Variants in ULK4 observed in about 807,000 individuals in gnomAD.
ULK4 encodes inactive serine/threonine-protein kinase ULK4.
Under a neutral mutation model 160.6 loss-of-function variants are expected in ULK4, and 133 were observed. The observed-to-expected ratio is 0.83, with a 90% CI of 0.72 to 0.96. The LOEUF is 0.96. Among genes scored for constraint, ULK4 ranks in the 40% least tolerant of loss-of-function variants. ULK4 has a pLI of 0.00. For synonymous variants in ULK4, 534 were observed against 539.8 expected (o/e 0.99, Z 0.15); for missense variants, 1,580 against 1,499.5 (o/e 1.05, Z -0.89).
chr3:41,721,255 A>ATTTTTTTTTTT lies in ULK4; in HGVS notation c.2322-3405_2322-3395dup, dbSNP rs67078042. Reference sequence around the variant, plus strand: ...GCAGATGAGAAATTTTTCGCTTTGAATTTTTTTTTTTTTTTTTTTTTTTTT... The same window carrying ATTTTTTTTTTT: ...GCAGATGAGAAATTTTTCGCTTTGAATTTTTTTTTTTTTTTTTTTTTTTTTTTTTTTTTTTT... On this transcript the variant is annotated intron_variant, in intron 22 of 36. Transcript: ENST00000301831. Among the ~76,000 whole-genome samples the ATTTTTTTTTTT allele has an allele frequency of 1.3e-4, 6 of 45,044 alleles. No individual in the cohort carries two copies. In the East Asian group the frequency reaches 3.1e-3, roughly 23 times the overall value. The allele number at this position is 45,044 out of a possible 152,430, so 29.6% of individuals were successfully genotyped here. A position where few individuals can be genotyped will look rare whatever the true frequency, so the allele number is the denominator to read the frequency against.
intron 32 of ULK4, among the ~76,000 whole-genome samples, chr3:41,468,761 G>T (rs778441646): frequency 3.3e-5 from 5 of 152,186 alleles, no homozygotes; most frequent in Non-Finnish European, 5.9e-5. Flanking sequence ...TCTACAGAGG[G>T]AAGAGAACCA....
chr3:41,357,019 C>T (rs1575463515), intron 35 of ULK4, among the ~76,000 whole-genome samples: 1 of 152,224 alleles, frequency 6.6e-6, no homozygotes, highest in African/African-American at 2.4e-5. Context: ...TGTGGAATCT[C>T]GACTCTAAGC....
chr3:41,594,529 C>T (rs1035826335), intron 31 of ULK4, among the ~76,000 whole-genome samples: 5 of 151,964 alleles, frequency 3.3e-5, no homozygotes, highest in African/African-American at 1.2e-4. Context: ...CAGAATGAGA[C>T]TCTATCTCTA....
At chr3:41,530,710 A>G (rs2086277859) in intron 32 of ULK4, among the ~76,000 whole-genome samples, 1 of 152,226 alleles carries the variant, frequency 6.6e-6, no homozygotes, top group South Asian at 2.1e-4. Flanking sequence ...CCAACTTGAA[A>G]AACAACTAGA....
In ULK4 at chr3:41,757,615, G is replaced by A. The variant is rs141719121; in HGVS notation, c.2194-3127C>T. ...CCACTACACTCCAGCCTGCGCAACAGAGCGAGACTCTCTCAAAAAAAAAAA... is the reference window on the plus strand; with the variant it reads ...CCACTACACTCCAGCCTGCGCAACAAAGCGAGACTCTCTCAAAAAAAAAAA... On this transcript the variant is annotated intron_variant, in intron 21 of 36. Transcript: ENST00000301831. Among the ~76,000 whole-genome samples, 947 of 130,696 alleles carry A rather than the reference G, an allele frequency of 7.2e-3. 9 individuals are homozygous for A. Among genetic ancestry groups the A allele is most frequent in the African/African-American group, 0.028 (910 of 33,040 alleles). 85.7% of individuals were successfully genotyped at this position (130,696 alleles called of 152,430 possible).
intron 34 of ULK4, among the ~76,000 whole-genome samples, chr3:41,446,715 C>T (rs538099740): frequency 1.4e-3 from 121 of 83,448 alleles, no homozygotes; most frequent in African/African-American, 5.2e-3. Flanking sequence ...TATCACACAC[C>T]GGGGCCTGTT....
At chr3:41,858,295 G>A (rs965956720) in intron 17 of ULK4, among the ~76,000 whole-genome samples, 2 of 151,334 alleles carry the variant, frequency 1.3e-5, no homozygotes, top group Non-Finnish European at 2.9e-5. Flanking sequence ...GGAATTACAG[G>A]CGCCTGCCAC....
In ULK4 at chr3:41,249,500, G is replaced by C; in HGVS notation, c.3753C>G (p.Ala1251=). Residue 1251 remains alanine (A), a synonymous_variant, in exon 36 of 37, where the codon GCC becomes GCG. Coordinates refer to ENST00000301831, the MANE Select transcript of ULK4 (RefSeq NM_017886.4). ...TGGGTCCCACTTACCCACTCCCAGGGGCCAGCCGCTCCAGAGCCCGCAGGA... is the reference window on the plus strand; with the variant it reads ...TGGGTCCCACTTACCCACTCCCAGGCGCCAGCCGCTCCAGAGCCCGCAGGA... ...GSLLRALERL[A]PGSGSFADSA... The C allele has an allele frequency of 1.2e-6, 2 of 1,613,792 alleles. No homozygotes were observed. Among genetic ancestry groups the C allele is most frequent in the Non-Finnish European group, 1.7e-6 (2 of 1,179,874 alleles).
intron 21 of ULK4, among the ~76,000 whole-genome samples, chr3:41,764,940 C>T (rs1195588258): frequency 6.6e-6 from 1 of 152,146 alleles, no homozygotes; most frequent in East Asian, 1.9e-4. Flanking sequence ...GAAATAGGAA[C>T]ACTTTTACAC....
chr3:41,804,559 T>C (rs2040578434), intron 19 of ULK4, among the ~76,000 whole-genome samples: 1 of 151,482 alleles, frequency 6.6e-6, no homozygotes, highest in African/African-American at 2.4e-5. Flanking sequence ...TCCTTGCCCA[T>C]GCCTATGTCC....
chr3:41,895,655 G>A, intron 15 of ULK4, 91 bp from the exon 16 acceptor site: 1 of 718,380 alleles, frequency 1.4e-6, no homozygotes. Context: ...TAACAGCTCA[G>A]GACTTTATAC....
intron 19 of ULK4, among the ~76,000 whole-genome samples, chr3:41,809,189 A>C (rs1342468550): frequency 6.9e-6 from 1 of 144,060 alleles, no homozygotes; most frequent in Non-Finnish European, 1.6e-5. Flanking sequence ...AAAAAAAAAC[A>C]AAAAAAAACA....
At chr3:41,403,120 A>C (rs2082217694) in intron 34 of ULK4, among the ~76,000 whole-genome samples, 2 of 151,856 alleles carry the variant, frequency 1.3e-5, no homozygotes, top group Non-Finnish European at 2.9e-5. Flanking sequence ...ATTGCACTCC[A>C]GCCTGGGCAA....
Position 41,906,216 on chromosome 3 carries a change from CAAAA to C in ULK4, c.1182+1625_1182+1628del, listed in dbSNP as rs58001920. On this transcript the variant is annotated intron_variant, in intron 12 of 36. Transcript: ENST00000301831. ...TGGGCGACAGAGCGAGACTCCGTCT[CAAAA>C]AAAAAAAAAAAAAAAAAGTTAAGGC... Among the ~76,000 whole-genome samples, 10 of 67,114 alleles carry C rather than the reference CAAAA, an allele frequency of 1.5e-4. 1 individual carries two copies. The highest frequency in any genetic ancestry group is 2.3e-4 in the Non-Finnish European group (9 of 39,874). The allele number at this position is 67,114 out of a possible 152,430, so 44.0% of individuals were successfully genotyped here.
intron 32 of ULK4, among the ~76,000 whole-genome samples, chr3:41,553,350 T>C (rs1371406216): frequency 2.2e-4 from 33 of 152,004 alleles, no homozygotes; most frequent in Non-Finnish European, 1.5e-4. Flanking sequence ...TTTCAAGCTA[T>C]TCATCTGACA....
At chr3:41,437,019 C>T (rs902491577) in intron 34 of ULK4, among the ~76,000 whole-genome samples, 1 of 152,178 alleles carries the variant, frequency 6.6e-6, no homozygotes, top group Non-Finnish European at 1.5e-5. Context: ...TTATGCTCTG[C>T]TAAGTCATAT....
chr3:41,776,390 T>C (rs2039623480), intron 21 of ULK4, among the ~76,000 whole-genome samples: 1 of 150,848 alleles, frequency 6.6e-6, no homozygotes, highest in South Asian at 2.1e-4. Flanking sequence ...TTCTTTTAAG[T>C]TTTTTTCAAG....
intron 22 of ULK4, among the ~76,000 whole-genome samples, chr3:41,742,292 G>A (rs993145453): frequency 2.0e-5 from 3 of 152,024 alleles, no homozygotes; most frequent in African/African-American, 7.3e-5. Context: ...GAGGGGTAGT[G>A]TCTATAAGAC....
chr3:41,761,468 A>G (rs961342935), intron 21 of ULK4, among the ~76,000 whole-genome samples: 4 of 150,898 alleles, frequency 2.7e-5, no homozygotes, highest in Non-Finnish European at 5.9e-5. Flanking sequence ...AATGAGTGTT[A>G]TGCCTTAAAC....
Sources: allele counts gnomAD v4.1 joint callset (sites outside exome capture counted in the v4.1 genomes callset), GRCh38; gene constraint gnomAD v4.1.1; transcripts MANE v1.5; gene names NCBI Gene and HGNC (gene_info 2026-07-23, HGNC 2026-07-21).